TCF4: variants seen among roughly 807,000 people sequenced by gnomAD.
The protein encoded by TCF4 is SL3-3 enhancer factor 2.
In TCF4, 3 loss-of-function variants were observed where a neutral mutation model predicts 82.1. That is an observed-to-expected ratio of 0.04 (90% confidence interval 0.02 to 0.09). The LOEUF is 0.09. Among genes scored for constraint, TCF4 ranks in the 10% least tolerant of loss-of-function variants. TCF4 has a pLI of 1.00. For synonymous variants in TCF4, 276 were observed against 309.6 expected, an observed-to-expected ratio of 0.89 and a Z score of 1.14; for missense variants, 518 against 852.7, an observed-to-expected ratio of 0.61 and a Z score of 4.89.
Position 55,552,465 on chromosome 18 carries a change from T to C in TCF4, c.145+32815A>G, listed in dbSNP as rs150649960. ...AATTAATTACTGACTTGTGACCAAT[T>C]TTTTCAATGCTAAGAAGACATTTTT... On this transcript the variant is annotated intron_variant, in intron 3 of 19. Coordinates refer to ENST00000354452, the MANE Select transcript of TCF4 (RefSeq NM_001083962.2). Among the ~76,000 whole-genome samples the C allele has an allele frequency of 1.1e-4, 16 of 152,314 alleles. 1 individual carries two copies. The South Asian group carries it at 2.9e-3, about 28-fold the overall frequency.
At chr18:55,613,283 C>G (rs1367884395) in intron 2 of TCF4, among the ~76,000 whole-genome samples, 1 of 152,140 alleles carries the variant, frequency 6.6e-6, no homozygotes, top group Non-Finnish European at 1.5e-5. Flanking sequence ...TGCCTCCCAT[C>G]TCAATCCCCA....
At chr18:55,269,348 A>T (rs2059860028) in intron 11 of TCF4, 1 of 196,858 alleles carries the variant, frequency 5.1e-6, no homozygotes, top group Middle Eastern at 2.0e-3. Context: ...ATTCTCCAGG[A>T]GATTAACCTC....
At chr18:55,240,926 C>T (rs1478072126) in intron 15 of TCF4, among the ~76,000 whole-genome samples, 2 of 152,134 alleles carry the variant, frequency 1.3e-5, no homozygotes, top group Non-Finnish European at 2.9e-5. Flanking sequence ...ACATTGTTTT[C>T]CAGAAACATC....
intron 2 of TCF4, chr18:55,586,250 G>A (rs2097650205): frequency 1.0e-6 from 1 of 977,884 alleles, no homozygotes; most frequent in Non-Finnish European, 1.5e-6. Flanking sequence ...CCACTTGGAA[G>A]GCGGTTTGGA....
chr18:55,424,170 G>A (rs1302534375), intron 5 of TCF4, among the ~76,000 whole-genome samples: 1 of 152,170 alleles, frequency 6.6e-6, no homozygotes, highest in African/African-American at 2.4e-5. Flanking sequence ...ACTCGACAAA[G>A]TCATGATTAG....
At chr18:55,429,777 A>AAC (rs1006954884) in intron 5 of TCF4, among the ~76,000 whole-genome samples, 1 of 150,984 alleles carries the variant, frequency 6.6e-6, no homozygotes, top group African/African-American at 2.4e-5. Context: ...AAAAAAAAAA[A>AAC]AAAAAAAAAA....
At chr18:55,405,344 AGCTGGGCAGGTAAGGAG>A (rs1262371588) in intron 5 of TCF4, among the ~76,000 whole-genome samples, 1 of 152,210 alleles carries the variant, frequency 6.6e-6, no homozygotes, top group East Asian at 1.9e-4. Flanking sequence ...GCAGGCAGGA[AGCTGGGCAGGTAAGGAG>A]GCAGGCAGAA....
chr18:55,289,375 G>C (rs897183516), intron 8 of TCF4, among the ~76,000 whole-genome samples: 1 of 152,128 alleles, frequency 6.6e-6, no homozygotes, highest in African/African-American at 2.4e-5. Context: ...GCATTGATGT[G>C]CATGTGAAGA....
intron 3 of TCF4, among the ~76,000 whole-genome samples, chr18:55,488,328 A>AT (rs1282300026): frequency 1.3e-5 from 2 of 152,208 alleles, no homozygotes; most frequent in Admixed American, 6.5e-5. Context: ...AGATGTATAC[A>AT]TTTTAAAACA....
chr18:55,622,055 A>G (rs1324099953), intron 2 of TCF4, among the ~76,000 whole-genome samples: 1 of 138,040 alleles, frequency 7.2e-6, no homozygotes, highest in African/African-American at 2.7e-5. Context: ...TATATAATAT[A>G]TATACACTGT....
chr18:55,509,843 A>G (rs376222156), intron 3 of TCF4, among the ~76,000 whole-genome samples: 1 of 152,188 alleles, frequency 6.6e-6, no homozygotes, highest in African/African-American at 2.4e-5. Flanking sequence ...TTAAACTGTT[A>G]GGACTGCAGC....
chr18:55,408,628 A>G (rs1471935859), intron 5 of TCF4, among the ~76,000 whole-genome samples: 2 of 152,184 alleles, frequency 1.3e-5, no homozygotes, highest in Non-Finnish European at 2.9e-5. Flanking sequence ...ACATAAAATG[A>G]TTCATTCAAT....
At chr18:55,588,527 C>T, upstream of TCF4, 4 of 1,533,120 alleles carry the variant, frequency 2.6e-6, no homozygotes, top group Non-Finnish European at 3.5e-6. Context: ...CAGTTTTTGC[C>T]CGTTGCATCC....
chr18:55,474,200 G>T (rs1385575921), intron 3 of TCF4, among the ~76,000 whole-genome samples: 1 of 152,104 alleles, frequency 6.6e-6, no homozygotes, highest in East Asian at 1.9e-4. Flanking sequence ...TAATAGCTTG[G>T]ATCACGGGAA....
At chr18:55,614,539 C>A (rs2097710059) in intron 2 of TCF4, among the ~76,000 whole-genome samples, 1 of 152,084 alleles carries the variant, frequency 6.6e-6, no homozygotes, top group Non-Finnish European at 1.5e-5. Flanking sequence ...ATTGTTGGAT[C>A]TTTTCATATG....
At chr18:55,413,941 C>T (rs1226746985) in intron 5 of TCF4, among the ~76,000 whole-genome samples, 1 of 152,118 alleles carries the variant, frequency 6.6e-6, no homozygotes, top group Non-Finnish European at 1.5e-5. Context: ...GTAACATGTG[C>T]TGGATGCAAG....
At chr18:55,360,941 G>A (rs1307528760) in intron 6 of TCF4, among the ~76,000 whole-genome samples, 1 of 151,910 alleles carries the variant, frequency 6.6e-6, no homozygotes, top group Admixed American at 6.6e-5. Context: ...TGGCCATGAT[G>A]ATTTCAATCT....
intron 8 of TCF4, among the ~76,000 whole-genome samples, chr18:55,286,399 G>A (rs144667792): frequency 6.7e-6 from 1 of 150,080 alleles, no homozygotes; most frequent in Non-Finnish European, 1.5e-5. Flanking sequence ...TTTAAAGCTC[G>A]AATGAGTTCA....
chr18:55,609,386 A>G (rs915219987), intron 2 of TCF4, among the ~76,000 whole-genome samples: 1 of 152,126 alleles, frequency 6.6e-6, no homozygotes, highest in Non-Finnish European at 1.5e-5. Context: ...CCACACACAT[A>G]TTCAGAATTT....
Sources: gnomAD v4.1 joint callset for allele counts (sites outside exome capture counted in the v4.1 genomes callset) on GRCh38, gnomAD v4.1.1 for gene constraint, MANE v1.5 for transcripts, NCBI Gene and HGNC (gene_info 2026-07-23, HGNC 2026-07-21) for gene names.